NKD1: variants seen among roughly 807,000 people sequenced by gnomAD.
NKD1 encodes the protein NKD inhibitor of Wnt signaling pathway 1.
A neutral mutation model predicts 56.0 loss-of-function variants in NKD1; 21 were observed. The ratio of observed to expected loss-of-function variants is 0.38; its 90% CI spans 0.27 to 0.54. The LOEUF (loss-of-function observed/expected upper bound fraction) is 0.54, where lower values mean the gene tolerates loss of function less well. Among genes scored for constraint, NKD1 ranks in the 20% least tolerant of loss-of-function variants. The probability of loss-of-function intolerance (pLI) is 0.82; values close to 1 mark genes in which losing one functional copy is unlikely to be tolerated. For synonymous variants in NKD1, 263 were observed against 265.7 expected (o/e 0.99, Z 0.10); for missense variants, 578 against 642.7 (o/e 0.90, Z 1.09).
Position 50,598,736 on chromosome 16 carries a change from G to T in NKD1, c.193-9558G>T, listed in dbSNP as rs561234111. Among the ~76,000 whole-genome samples the T allele has an allele frequency of 6.7e-3, 1,019 of 152,302 alleles. 7 individuals carry two copies. Among genetic ancestry groups the T allele is most frequent in the Non-Finnish European group, 9.1e-3 (618 of 68,022 alleles). The stretch of plus-strand genomic sequence containing the variant: ...TGTGGCGTGGCGGGCCAGTGGCTGG[G>T]CTAGTCAGCAGTGTGGCAGGTGGTG... On this transcript the variant is annotated intron_variant, in intron 3 of 9. Transcript: ENST00000268459. This position sits in a 1 kb window ranked among gnomAD's most constrained non-coding sequence, Gnocchi z 4.2.
At chr16:50,549,591 C>T (rs1335125394) in intron 3 of NKD1, 36 bp downstream of exon 3, 6 of 1,525,684 alleles carry the variant, frequency 3.9e-6, no homozygotes, top group Admixed American at 2.0e-5. Context: ...CTCCTGGCCT[C>T]CTTTCAGCCT....
intron 4 of NKD1, among the ~76,000 whole-genome samples, chr16:50,615,293 T>A (rs1377681760): frequency 6.6e-6 from 1 of 152,238 alleles, no homozygotes; most frequent in African/African-American, 2.4e-5. Context: ...ATTTTGATGA[T>A]GCTGCTGATG....
intron 4 of NKD1, among the ~76,000 whole-genome samples, chr16:50,614,998 G>C (rs555292555): frequency 1.3e-5 from 2 of 152,304 alleles, no homozygotes; most frequent in African/African-American, 4.8e-5. Flanking sequence ...GATGAAACAA[G>C]CTGGGTCAGG....
At chr16:50,578,332 C>T (rs1596716636) in intron 3 of NKD1, among the ~76,000 whole-genome samples, 1 of 152,180 alleles carries the variant, frequency 6.6e-6, no homozygotes, top group African/African-American at 2.4e-5. Flanking sequence ...AATGTAGTCC[C>T]ATCTGGGCAG....
At chr16:50,552,030 G>C (rs1238771533) in intron 3 of NKD1, 1 of 152,146 alleles carries the variant, frequency 6.6e-6, no homozygotes, top group East Asian at 1.9e-4. Flanking sequence ...GAGGGCATGG[G>C]CTCCAAAGTC....
intron 7 of NKD1, 39 bp downstream of exon 7, chr16:50,630,372 C>G (rs753038231): frequency 1.2e-6 from 2 of 1,608,710 alleles, no homozygotes; most frequent in Non-Finnish European, 1.7e-6. Flanking sequence ...ACAATGTCCT[C>G]CCATCTCAGG....
intron 3 of NKD1, chr16:50,566,048 A>G (rs989280022): frequency 3.8e-6 from 2 of 528,472 alleles, no homozygotes; most frequent in Non-Finnish European, 4.8e-6. Context: ...TGGCTCTGCT[A>G]TTTTTCTGGC....
At chr16:50,621,121 G>T (rs1193835406) in intron 4 of NKD1, among the ~76,000 whole-genome samples, 1 of 152,278 alleles carries the variant, frequency 6.6e-6, no homozygotes, top group Non-Finnish European at 1.5e-5. Context: ...GTTGAACTCT[G>T]TTTCTGGCAC....
At chr16:50,559,746 A>G (rs1960582657) in intron 3 of NKD1, among the ~76,000 whole-genome samples, 1 of 152,016 alleles carries the variant, frequency 6.6e-6, no homozygotes, top group African/African-American at 2.4e-5. Flanking sequence ...AGTCACAAGA[A>G]ATAGTGTCAC....
At chr16:50,555,437 A>G (rs778677294) in intron 3 of NKD1, 1 of 152,276 alleles carries the variant, frequency 6.6e-6, no homozygotes, top group Non-Finnish European at 1.5e-5. Context: ...TGTGTCATGG[A>G]CAGGTCCTTG....
intron 6 of NKD1, among the ~76,000 whole-genome samples, chr16:50,629,837 TGA>T (rs1456501152): frequency 6.6e-6 from 1 of 152,204 alleles, no homozygotes. Flanking sequence ...CAGTGAGGAA[TGA>T]GAGTCCATTT....
Position 50,562,237 on chromosome 16 carries a change from A to T in NKD1, c.192+12682A>T, listed in dbSNP as rs112024260. 415 of 910,866 alleles carry T rather than the reference A, an allele frequency of 4.6e-4. 1 individual carries two copies. In the African/African-American group the frequency reaches 6.4e-3, roughly 14 times the overall value. 56.4% of individuals were successfully genotyped at this position (910,866 alleles called of 1,614,324 possible). On this transcript the variant is annotated intron_variant, in intron 3 of 9. Coordinates refer to ENST00000268459, the MANE Select transcript of NKD1 (RefSeq NM_033119.5). ...GAGACGCTGCTGAATGAGCAAAGCA[A>T]CTGCAAAACATTCATAGGCCATGGT...
Position 50,548,580 on chromosome 16 carries a change from T to C in NKD1, c.25+2T>C. On this transcript the variant is annotated splice_donor_variant, in intron 1 of 9. Transcript: ENST00000268459. LOFTEE classifies it high-confidence loss of function. ...TGGGGAAACTTCACTCCAAGCCGGG[T>C]CAGTGCCCCCGCCCGCGCGCTCGCC... 1 of 1,467,570 alleles carries C rather than the reference T, an allele frequency of 6.8e-7. No homozygotes were observed. The highest frequency in any genetic ancestry group is 9.0e-7 in the Non-Finnish European group (1 of 1,115,338). 90.9% of individuals were successfully genotyped at this position (1,467,570 alleles called of 1,614,324 possible).
Position 50,630,206 on chromosome 16 carries a change from C to T in NKD1, c.483C>T (p.His161=), listed in dbSNP as rs1383619567. The T allele has an allele frequency of 6.2e-7, 1 of 1,613,954 alleles. No individual in the cohort carries two copies. The highest frequency in any genetic ancestry group is 8.5e-7 in the Non-Finnish European group (1 of 1,179,984). ...TTCAGGACATCACCAGCTTGCTGCA[C>T]ACCATCTATGAGGTGGTGGACTCCT... The part of the protein sequence containing the change: ...VTREDITSLL[H]TIYEVVDSSV... Residue 161 remains histidine, a synonymous_variant, in exon 7 of 10, where the codon CAC becomes CAT. Coordinates refer to ENST00000268459, the MANE Select transcript of NKD1 (RefSeq NM_033119.5).
rs1961512976 is a variant in NKD1 at position 50,598,131 on chromosome 16, A to G, written c.193-10163A>G. ...AGGGGACAGAAGGGGCCAGGAGATG[A>G]GAGTGGGAGGCCCAGGGCTGATGGG... On this transcript the variant is annotated intron_variant, in intron 3 of 9. Coordinates refer to ENST00000268459, the MANE Select transcript of NKD1 (RefSeq NM_033119.5). This position sits in a 1 kb window ranked among gnomAD's most constrained non-coding sequence, Gnocchi z 4.2. 6.6e-6 allele frequency among the ~76,000 whole-genome samples: 1 copy of G among 151,950 alleles called. No individual in the cohort carries two copies. Among genetic ancestry groups the G allele is most frequent in the Non-Finnish European group, 1.5e-5 (1 of 67,992 alleles).
In NKD1 at chr16:50,562,276, G is replaced by A. The variant is rs1033925081; in HGVS notation, c.192+12721G>A. The stretch of plus-strand genomic sequence containing the variant: ...ATAGGCCATGGTCCTGTTTCTTACA[G>A]TGTGAAAAAGTCTATTCAGGCCTGT... On this transcript the variant is annotated intron_variant, in intron 3 of 9. Transcript: ENST00000268459. 3.1e-6 allele frequency: 3 copies of A among 981,170 alleles called. No homozygotes were observed. The African/African-American group carries it at 5.3e-5, about 17-fold the overall frequency. The allele number at this position is 981,170 out of a possible 1,614,324, so 60.8% of individuals were successfully genotyped here. A position where few individuals can be genotyped will look rare whatever the true frequency, so the allele number is the denominator to read the frequency against.
chr16:50,606,826 CT>C, intron 3 of NKD1: 2 of 456,722 alleles, frequency 4.4e-6, no homozygotes, highest in South Asian at 3.1e-5. Flanking sequence ...GCCTACCAGC[CT>C]TTCAGGGGGC....
chr16:50,575,532 G>C (rs1005103274), intron 3 of NKD1, among the ~76,000 whole-genome samples: 1 of 152,162 alleles, frequency 6.6e-6, no homozygotes, highest in Non-Finnish European at 1.5e-5. Flanking sequence ...CTCCTTCCCC[G>C]GGCTGTGGGG....
rs2192849 is a variant in NKD1, at chr16:50,567,119, A to C, written c.192+17564A>C. Among the ~76,000 whole-genome samples, 627 of 151,764 alleles carry C rather than the reference A, an allele frequency of 4.1e-3. 4 individuals carry two copies. The highest frequency in any genetic ancestry group is 0.015 in the African/African-American group (603 of 41,348). Reference sequence around the variant, plus strand: ...AGGACCAGGCTTCAGACTTGGGTTTATACTGAACCGTGTTGACGCTGGGCC... The same window carrying C: ...AGGACCAGGCTTCAGACTTGGGTTTCTACTGAACCGTGTTGACGCTGGGCC... On this transcript the variant is annotated intron_variant, in intron 3 of 9. Transcript: ENST00000268459.
Sources: allele counts gnomAD v4.1 joint callset (sites outside exome capture counted in the v4.1 genomes callset), GRCh38; gene constraint gnomAD v4.1.1; non-coding constraint Gnocchi (gnomAD v3.1); transcripts MANE v1.5; gene names NCBI Gene and HGNC (gene_info 2026-07-23, HGNC 2026-07-21).